EPHB4: variants seen among roughly 807,000 people sequenced by gnomAD.
EPHB4 encodes ephrin type-B receptor 4.
EPHB4 carries 50 observed loss-of-function variants against 110.6 expected under a neutral mutation model. The ratio of observed to expected loss-of-function variants is 0.45; its 90% CI spans 0.36 to 0.57. The LOEUF is 0.57. Among genes scored for constraint, EPHB4 ranks in the 20% least tolerant of loss-of-function variants. EPHB4 has a pLI of 0.00. For missense variants in EPHB4, 1,128 were observed against 1,382.1 expected, an observed-to-expected ratio of 0.82 and a Z score of 2.91; for synonymous variants, 592 against 578.4, an observed-to-expected ratio of 1.02 and a Z score of -0.34.
At chr7:100,813,612 G>C (rs186651887) in intron 10 of EPHB4, 40 bp downstream of exon 10, 4 of 1,609,054 alleles carry the variant, frequency 2.5e-6, no homozygotes, top group Non-Finnish European at 3.4e-6. Flanking sequence ...CACCACACCC[G>C]GCCCCAAGCC....
intron 12 of EPHB4, among the ~76,000 whole-genome samples, chr7:100,811,878 A>C (rs1217619672): frequency 6.6e-6 from 1 of 151,678 alleles, no homozygotes; most frequent in Non-Finnish European, 1.5e-5. Flanking sequence ...TTAAAAAAAA[A>C]AAAAAAAAAT....
chr7:100,813,627 T>C (rs1441697035), intron 10 of EPHB4, 25 bp downstream of exon 10: 3 of 1,613,478 alleles, frequency 1.9e-6, no homozygotes, highest in Admixed American at 1.7e-5. Context: ...CAAGCCCCTA[T>C]TCCCATCAAA....
chr7:100,803,712 G>C, intron 16 of EPHB4, 122 bp from the exon 17 acceptor site: 1 of 1,279,524 alleles, frequency 7.8e-7, no homozygotes, highest in Non-Finnish European at 1.0e-6. Context: ...AGCGGGGGAG[G>C]GAGAACAGAT....
At position 100,820,465 on chromosome 7, in the gene EPHB4, C is replaced by CA. The variant is rs11447690; in HGVS notation, c.809-170dup. ...GGGCAACATATCGAGATCCCATCTC[C>CA]AAAAAAAAAAAAAAAAATTCCAGCT... On this transcript the variant is annotated intron_variant, in intron 4 of 16. Transcript: ENST00000358173. The CA allele has an allele frequency of 0.28, 92,444 of 327,998 alleles. 5,099 individuals are homozygous for CA. The highest frequency in any genetic ancestry group is 0.43 in the East Asian group (8,266 of 19,434). The allele number at this position is 327,998 out of a possible 1,614,324, so 20.3% of individuals were successfully genotyped here. A position where few individuals can be genotyped will look rare whatever the true frequency, so the allele number is the denominator to read the frequency against.
chr7:100,805,261 G>A lies in EPHB4; in HGVS notation c.2739C>T (p.Gly913=), dbSNP rs746534952. The A allele has an allele frequency of 5.0e-6, 8 of 1,613,618 alleles. No homozygotes were observed. Among genetic ancestry groups the A allele is most frequent in the South Asian group, 3.3e-5 (3 of 90,966 alleles). The change falls in exon 16 of 17, where the codon GGC becomes GGT. Residue 913 remains glycine, a synonymous_variant. Coordinates refer to ENST00000358173, the MANE Select transcript of EPHB4 (RefSeq NM_004444.5). ...CCATTTTGATGGCCCGAAGCCACTC[G>A]CCCACAGAGCCAAAAGCTGAGTAGT... ...QPHYSAFGSV[G]EWLRAIKMGR...
rs1267152044 is a variant in EPHB4, at chr7:100,817,366, G to C, written c.1423-9C>G. On this transcript the variant is annotated splice_polypyrimidine_tract_variant and intron_variant, in intron 7 of 16. Transcript: ENST00000358173. ...CTGGGACCCTCGGCGCCCTGTCCGGGAGAGGTAGTGGGGTGGCCGTCACCC... is the reference window on the plus strand; with the variant it reads ...CTGGGACCCTCGGCGCCCTGTCCGGCAGAGGTAGTGGGGTGGCCGTCACCC... 4 of 1,554,294 alleles carry C rather than the reference G, an allele frequency of 2.6e-6. No individual in the cohort carries two copies. In the South Asian group the frequency reaches 4.8e-5, roughly 19 times the overall value.
At position 100,806,581 on chromosome 7, in the gene EPHB4, G is replaced by A. The variant is rs1812822266; in HGVS notation, c.2335-12C>T. On this transcript the variant is annotated splice_polypyrimidine_tract_variant and intron_variant, in intron 13 of 16. Coordinates refer to ENST00000358173, the MANE Select transcript of EPHB4 (RefSeq NM_004444.5). ...GGAATCTTTCCTCCCTGCAGAAAAA[G>A]GAGAAAAGGTGAGCTGGGGGACTCA... is the stretch of plus-strand genomic sequence containing the variant. The A allele has an allele frequency of 1.2e-6, 2 of 1,610,862 alleles. No homozygotes were observed. Among genetic ancestry groups the A allele is most frequent in the East Asian group, 2.2e-5 (1 of 44,850 alleles).
At chr7:100,804,915 A>C (rs2116411569) in intron 16 of EPHB4, among the ~76,000 whole-genome samples, 1 of 152,352 alleles carries the variant, frequency 6.6e-6, no homozygotes, top group East Asian at 1.9e-4. Context: ...TGAGAGGCGG[A>C]AGCGCGATGG....
intron 16 of EPHB4, 132 bp from the exon 17 acceptor site, chr7:100,803,722 T>TA (rs1812751591): frequency 1.7e-6 from 2 of 1,196,578 alleles, no homozygotes; most frequent in East Asian, 5.5e-5. Context: ...GGAGAACAGA[T>TA]GTCAACAGTT....
At chr7:100,826,614 T>C (rs1010580573) in intron 1 of EPHB4, among the ~76,000 whole-genome samples, 3 of 152,024 alleles carry the variant, frequency 2.0e-5, no homozygotes, top group Non-Finnish European at 4.4e-5. Context: ...CCTTCCCTCA[T>C]GTACGGCGGG....
intron 1 of EPHB4, chr7:100,826,696 G>A (rs954031998): frequency 5.6e-6 from 2 of 355,906 alleles, no homozygotes. Flanking sequence ...AAGGCAGCCA[G>A]GGGCGTATGT....
chr7:100,819,385 C>T (rs1813161593), intron 6 of EPHB4, among the ~76,000 whole-genome samples, 172 bp downstream of exon 6: 1 of 152,158 alleles, frequency 6.6e-6, no homozygotes, highest in Admixed American at 6.5e-5. Flanking sequence ...GCTGGGATTA[C>T]AGGCGTGAGC....
At position 100,807,452 on chromosome 7, in the gene EPHB4, G is replaced by A. The variant is rs756080965; in HGVS notation, c.2247C>T (p.Asn749=). ...CAGACACTTTGCAGACGAGGTTGCTGTTGACTAGGATGTTGCGAGCAGCCA... is the reference window on the plus strand; with the variant it reads ...CAGACACTTTGCAGACGAGGTTGCTATTGACTAGGATGTTGCGAGCAGCCA... ...RDLAARNILV[N]SNLVCKVSDF... Residue 749 remains asparagine (N), a synonymous_variant, in exon 13 of 17, where the codon AAC becomes AAT. Transcript: ENST00000358173. The A allele has an allele frequency of 8.7e-6, 14 of 1,614,032 alleles. No homozygotes were observed. Among genetic ancestry groups the A allele is most frequent in the African/African-American group, 1.3e-5 (1 of 75,002 alleles).
rs527686288 is a variant in EPHB4 at position 100,816,622 on chromosome 7, T to C, written c.1588+570A>G. 4.0e-5 allele frequency among the ~76,000 whole-genome samples: 6 copies of C among 151,472 alleles called. No individual in the cohort carries two copies. In the South Asian group the frequency reaches 1.3e-3, roughly 32 times the overall value. On this transcript the variant is annotated intron_variant, in intron 8 of 16. Transcript: ENST00000358173. Reference sequence around the variant, plus strand: ...GTGCTGGGGTTACAGGGTGAGCCACTGTGCCTGGCTGTGCAGTGAGCTTTG... The same window carrying C: ...GTGCTGGGGTTACAGGGTGAGCCACCGTGCCTGGCTGTGCAGTGAGCTTTG...
intron 2 of EPHB4, 68 bp from the exon 3 acceptor site, chr7:100,823,999 C>A: frequency 1.3e-6 from 2 of 1,517,626 alleles, no homozygotes; most frequent in Non-Finnish European, 1.8e-6. Flanking sequence ...TGGGGTGAAT[C>A]CTATAAAGTG....
Position 100,822,610 on chromosome 7 carries a change from C to A in EPHB4, c.469G>T (p.Gly157Trp). ...TRKRPGAEAT[G>W]KVNVKTLRLG... The stretch of plus-strand genomic sequence containing the variant: ...CGCAGCGTCTTGACATTCACCTTCC[C>A]GGTGGCCTCGGCCCCAGGGCGCTTC... The change falls in exon 4 of 17, where the codon GGG (glycine) becomes TGG (tryptophan). Residue 157 changes from glycine to tryptophan, a missense_variant. This residue lies in a region of EPHB4 where 728 missense variants were observed against 828.6 expected (regional missense o/e 0.88). Coordinates refer to ENST00000358173, the MANE Select transcript of EPHB4 (RefSeq NM_004444.5). This position sits in a 1 kb window ranked among gnomAD's most constrained non-coding sequence, Gnocchi z 4.7. The A allele has an allele frequency of 6.2e-7, 1 of 1,604,624 alleles. No individual in the cohort carries two copies. The highest frequency in any genetic ancestry group is 8.5e-7 in the Non-Finnish European group (1 of 1,174,182).
chr7:100,807,393 G>A lies in EPHB4; in HGVS notation c.2306C>T (p.Ser769Phe), dbSNP rs1203550262. Reference sequence around the variant, plus strand: ...GGAGCTCGTGTAGGTGGGATCGGAAGAGTTCTCCTCCAGGAATCGGGAAAG... The same window carrying A: ...GGAGCTCGTGTAGGTGGGATCGGAAAAGTTCTCCTCCAGGAATCGGGAAAG... Reference protein sequence around the residue: ...FGLSRFLEENSSDPTYTSSLG... With the variant: ...FGLSRFLEENFSDPTYTSSLG... The change falls in exon 13 of 17, where the codon TCT becomes TTT. Residue 769 changes from serine to phenylalanine, a missense_variant. Physicochemically the swap from Ser to Phe is radical, Grantham distance 155 (BLOSUM62 -2). Around this residue, in one of 3 missense-constraint regions of EPHB4, gnomAD observed 191 missense variants for 313.0 expected, o/e 0.61. Transcript: ENST00000358173. The A allele has an allele frequency of 3.1e-6, 5 of 1,613,892 alleles. No individual in the cohort carries two copies. Among genetic ancestry groups the A allele is most frequent in the Non-Finnish European group, 4.2e-6 (5 of 1,179,990 alleles).
At position 100,824,347 on chromosome 7, in the gene EPHB4, C is replaced by T; in HGVS notation, c.53-74G>A. The T allele has an allele frequency of 3.9e-6, 6 of 1,519,398 alleles. No homozygotes were observed. The East Asian group carries it at 6.8e-5, about 17-fold the overall frequency. The allele number at this position is 1,519,398 out of a possible 1,614,324, so 94.1% of individuals were successfully genotyped here. Reference sequence around the variant, plus strand: ...GTCAGGAAGACCAGATCCCTGGGAACCGAGGCAGGTGGATCCTCTTAGCTC... The same window carrying T: ...GTCAGGAAGACCAGATCCCTGGGAATCGAGGCAGGTGGATCCTCTTAGCTC... On this transcript the variant is annotated intron_variant, in intron 1 of 16. Transcript: ENST00000358173.
At position 100,824,253 on chromosome 7, in the gene EPHB4, A is replaced by G. The variant is rs144551580; in HGVS notation, c.73T>C (p.Leu25=). ...ALEETLLNTK[L]ETADLKWVTF... is the part of the protein sequence containing the mutation. ...ACCCACTTCAGATCAGCAGTTTCCA[A>G]TTTTGTGTTCAGCAGGGTCTCTGAG... The change falls in exon 2 of 17, where the codon TTG becomes CTG. Residue 25 remains leucine, a synonymous_variant. Transcript: ENST00000358173. The G allele has an allele frequency of 5.0e-5, 81 of 1,612,450 alleles. No homozygotes were observed. In the African/African-American group the frequency reaches 9.3e-4, roughly 18 times the overall value.
Sources: gnomAD v4.1 joint callset for allele counts (sites outside exome capture counted in the v4.1 genomes callset) on GRCh38, gnomAD v4.1.1 for gene constraint, gnomAD v4.1.1 regional missense constraint, Gnocchi (gnomAD v3.1) non-coding constraint, MANE v1.5 for transcripts, NCBI Gene and HGNC (gene_info 2026-07-23, HGNC 2026-07-21) for gene names.